Variants in CLSTN2 observed in about 807,000 individuals in gnomAD.
CLSTN2 encodes calsyntenin 2.
CLSTN2 carries 48 observed loss-of-function variants against 101.2 expected under a neutral mutation model. The ratio of observed to expected loss-of-function variants is 0.47; its 90% confidence interval spans 0.38 to 0.60. The LOEUF is 0.60. Ranked by LOEUF, CLSTN2 falls within the 20% of genes least tolerant of loss-of-function variation. The pLI is 0.00. For synonymous variants in CLSTN2, 481 were observed against 463.6 expected (o/e 1.04, Z -0.48); for missense variants, 1,160 against 1,238.2 (o/e 0.94, Z 0.95).
intron 1 of CLSTN2, among the ~76,000 whole-genome samples, chr3:140,001,521 T>C (rs1346532424): frequency 2.0e-5 from 3 of 151,852 alleles, no homozygotes; most frequent in Non-Finnish European, 4.4e-5. Flanking sequence ...ATTTATGGGG[T>C]TCATGAGATG....
At chr3:140,502,108 G>A (rs1049660467) in intron 8 of CLSTN2, among the ~76,000 whole-genome samples, 3 of 152,234 alleles carry the variant, frequency 2.0e-5, no homozygotes, top group African/African-American at 7.2e-5. Flanking sequence ...ATGTATGAAA[G>A]CAGGCTGTGC....
rs1475900361 is a variant in CLSTN2, at chr3:140,038,820, A to G, written c.109+103337A>G. 3.3e-5 allele frequency among the ~76,000 whole-genome samples: 5 copies of G among 152,294 alleles called. No individual in the cohort carries two copies. In the East Asian group the frequency reaches 5.8e-4, roughly 18 times the overall value. ...TCATTGTTCCTAGTCTTCTCATTAGATAGAGCAAAGGACAATGTATTAGGT... is the reference window on the plus strand; with the variant it reads ...TCATTGTTCCTAGTCTTCTCATTAGGTAGAGCAAAGGACAATGTATTAGGT... On this transcript the variant is annotated intron_variant, in intron 1 of 16. Coordinates refer to ENST00000458420, the MANE Select transcript of CLSTN2 (RefSeq NM_022131.3).
chr3:140,147,986 G>A (rs1311051270), intron 1 of CLSTN2, among the ~76,000 whole-genome samples: 4 of 152,156 alleles, frequency 2.6e-5, no homozygotes, highest in East Asian at 1.9e-4. Context: ...GGGGGGATGC[G>A]GATGTAGCTC....
chr3:140,093,195 C>T (rs549260415), intron 1 of CLSTN2, among the ~76,000 whole-genome samples: 111 of 152,218 alleles, frequency 7.3e-4, no homozygotes, highest in African/African-American at 2.6e-3. Context: ...GCAGGGGTGT[C>T]GCCTGCTCTG....
chr3:140,419,788 C>CGT lies in CLSTN2; in HGVS notation c.638-1336_638-1335dup. Among the ~76,000 whole-genome samples, 2 of 46,198 alleles carry CGT rather than the reference C, an allele frequency of 4.3e-5. 1 individual carries two copies. Among genetic ancestry groups the CGT allele is most frequent in the African/African-American group, 7.1e-4 (2 of 2,806 alleles). The allele number at this position is 46,198 out of a possible 152,430, so 30.3% of individuals were successfully genotyped here. ...ATACACGTGTATACACGTATATACACGTATACGTGTATATACGTGTATATA... is the reference window on the plus strand; with the variant it reads ...ATACACGTGTATACACGTATATACACGTGTATACGTGTATATACGTGTATATA... On this transcript the variant is annotated intron_variant, in intron 4 of 16. Transcript: ENST00000458420.
At chr3:140,233,862 T>G (rs542414175) in intron 2 of CLSTN2, among the ~76,000 whole-genome samples, 7 of 152,362 alleles carry the variant, frequency 4.6e-5, no homozygotes, top group African/African-American at 1.7e-4. Flanking sequence ...AGCTGTAGCC[T>G]GAGGGCCAAA....
At chr3:140,415,497 A>AC (rs1360122622) in intron 4 of CLSTN2, among the ~76,000 whole-genome samples, 2 of 150,924 alleles carry the variant, frequency 1.3e-5, no homozygotes, top group African/African-American at 4.9e-5. Context: ...AAAAAAAAAA[A>AC]AAAAAAAAAA....
chr3:140,424,615 G>A (rs998154084), intron 5 of CLSTN2, among the ~76,000 whole-genome samples: 15 of 152,258 alleles, frequency 9.9e-5, no homozygotes, highest in African/African-American at 2.6e-4. Context: ...AAACTGGAAC[G>A]AACTATGTTT....
intron 2 of CLSTN2, among the ~76,000 whole-genome samples, chr3:140,240,743 C>T (rs886615876): frequency 5.3e-5 from 8 of 152,096 alleles, no homozygotes; most frequent in African/African-American, 1.9e-4. Context: ...GGAAGAGAGA[C>T]CAGAACAAGC....
intron 2 of CLSTN2, among the ~76,000 whole-genome samples, chr3:140,321,883 C>T (rs1448622589): frequency 1.3e-5 from 2 of 152,220 alleles, no homozygotes; most frequent in Non-Finnish European, 2.9e-5. Context: ...AGAACGCAGG[C>T]TCGTAGGAAA....
At chr3:140,032,767 T>G (rs2007580811) in intron 1 of CLSTN2, among the ~76,000 whole-genome samples, 2 of 152,238 alleles carry the variant, frequency 1.3e-5, no homozygotes, top group Non-Finnish European at 2.9e-5. Flanking sequence ...CCCTGTTGGT[T>G]AGTCATCTGT....
chr3:140,432,748 T>C, intron 5 of CLSTN2, among the ~76,000 whole-genome samples: 1 of 152,204 alleles, frequency 6.6e-6, no homozygotes, highest in Middle Eastern at 3.2e-3. Context: ...TAAGCCTGGG[T>C]AATGAGACTT....
At chr3:140,238,238 T>C (rs2086433007) in intron 2 of CLSTN2, among the ~76,000 whole-genome samples, 1 of 152,226 alleles carries the variant, frequency 6.6e-6, no homozygotes, top group Admixed American at 6.5e-5. Flanking sequence ...GATATTTGTA[T>C]TGAATAGAAA....
chr3:140,372,297 A>G (rs2087867478), intron 2 of CLSTN2, among the ~76,000 whole-genome samples: 1 of 151,842 alleles, frequency 6.6e-6, no homozygotes, highest in African/African-American at 2.4e-5. Flanking sequence ...CCTTCTCTTT[A>G]ATTGTGCTGA....
At position 140,510,391 on chromosome 3, in the gene CLSTN2, C is replaced by G. The variant is rs114190164; in HGVS notation, c.1345-21933C>G. Among the ~76,000 whole-genome samples the G allele has an allele frequency of 8.6e-3, 1,302 of 152,278 alleles. 23 individuals carry two copies. Among genetic ancestry groups the G allele is most frequent in the African/African-American group, 0.029 (1,217 of 41,540 alleles). On this transcript the variant is annotated intron_variant, in intron 8 of 16. Coordinates refer to ENST00000458420, the MANE Select transcript of CLSTN2 (RefSeq NM_022131.3). ...GATTATGTATGCAAAAGTCGCAGCACGGTGCTAGAGTGCTAGGCACATCAT... is the reference window on the plus strand; with the variant it reads ...GATTATGTATGCAAAAGTCGCAGCAGGGTGCTAGAGTGCTAGGCACATCAT...
intron 2 of CLSTN2, among the ~76,000 whole-genome samples, chr3:140,277,858 C>T (rs1441723265): frequency 6.6e-6 from 1 of 152,170 alleles, no homozygotes; most frequent in Non-Finnish European, 1.5e-5. Flanking sequence ...TTCTGTGATG[C>T]TTTATTCCAA....
intron 1 of CLSTN2, among the ~76,000 whole-genome samples, chr3:140,147,799 G>A (rs1027577128): frequency 1.4e-4 from 21 of 152,186 alleles, no homozygotes; most frequent in African/African-American, 4.8e-4. Context: ...TATTGACTGT[G>A]TGCTGGCCAT....
intron 8 of CLSTN2, among the ~76,000 whole-genome samples, chr3:140,469,106 G>C (rs1463600867): frequency 6.6e-6 from 1 of 152,168 alleles, no homozygotes; most frequent in East Asian, 1.9e-4. Context: ...TGAGGAACCA[G>C]CCCTATCGAA....
chr3:140,270,835 G>A (rs2086736320), intron 2 of CLSTN2, among the ~76,000 whole-genome samples: 1 of 152,126 alleles, frequency 6.6e-6, no homozygotes, highest in Non-Finnish European at 1.5e-5. Flanking sequence ...CAGAACTCCG[G>A]TACCTGTAGT....
Sources: gnomAD v4.1 joint callset for allele counts (sites outside exome capture counted in the v4.1 genomes callset) on GRCh38, gnomAD v4.1.1 for gene constraint, MANE v1.5 for transcripts, NCBI Gene and HGNC (gene_info 2026-07-23, HGNC 2026-07-21) for gene names.